ANKRD30A: variants seen among roughly 807,000 people sequenced by gnomAD.
ANKRD30A encodes the protein ankyrin repeat domain-containing protein 30A.
Under a neutral mutation model 166.3 loss-of-function variants are expected in ANKRD30A, and 170 were observed. That is an observed-to-expected ratio of 1.02 (90% CI 0.90 to 1.16). ANKRD30A has a LOEUF of 1.16. Ranked by LOEUF, ANKRD30A falls within the 50% of genes most tolerant of loss-of-function variation. The probability of loss-of-function intolerance (pLI) is 0.00; values close to 1 mark genes in which losing one functional copy is unlikely to be tolerated. For synonymous variants in ANKRD30A, 564 were observed against 508.9 expected, an observed-to-expected ratio of 1.11 and a Z score of -1.46; for missense variants, 1,630 against 1,518.0, an observed-to-expected ratio of 1.07 and a Z score of -1.23.
chr10:37,152,361 G>A (rs1838015942), intron 12 of ANKRD30A, among the ~76,000 whole-genome samples: 1 of 152,050 alleles, frequency 6.6e-6, no homozygotes. Context: ...TAAAAACTAA[G>A]GCTTAGAATT....
chr10:37,250,142 A>G, the ANKRD30A span, among the ~76,000 whole-genome samples: 1 of 152,192 alleles, frequency 6.6e-6, no homozygotes, highest in Non-Finnish European at 1.5e-5. Context: ...GCCTAAGGTC[A>G]GAGTTGATGG....
downstream of ANKRD30A, among the ~76,000 whole-genome samples, chr10:37,233,206 A>C (rs925784289): frequency 1.3e-5 from 2 of 152,156 alleles, no homozygotes; most frequent in Non-Finnish European, 2.9e-5. Context: ...GTTTTAATAC[A>C]TAAATTTGAT....
chr10:37,202,936 A>G (rs1408735599), intron 31 of ANKRD30A, among the ~76,000 whole-genome samples: 1 of 152,228 alleles, frequency 6.6e-6, no homozygotes, highest in Non-Finnish European at 1.5e-5. Context: ...AGACTAAACC[A>G]GGAAGGAGAA....
intron 7 of ANKRD30A, among the ~76,000 whole-genome samples, chr10:37,143,472 G>A (rs1052206656): frequency 2.0e-5 from 3 of 152,076 alleles, no homozygotes; most frequent in Admixed American, 6.6e-5. Context: ...TGGCCAACAT[G>A]GTGAAACCTC....
downstream of ANKRD30A, among the ~76,000 whole-genome samples, chr10:37,235,754 TATTTC>T (rs1414429511): frequency 6.6e-6 from 1 of 151,370 alleles, no homozygotes; most frequent in Non-Finnish European, 1.5e-5. Context: ...GATTTCACTA[TATTTC>T]ATTCTCTTTT....
chr10:37,256,321 A>G, the ANKRD30A span, among the ~76,000 whole-genome samples: 1 of 152,208 alleles, frequency 6.6e-6, no homozygotes, highest in African/African-American at 2.4e-5. Context: ...CAGTGGCACA[A>G]TCATGGATCA....
At chr10:37,190,062 A>C in intron 25 of ANKRD30A, among the ~76,000 whole-genome samples, 1 of 151,892 alleles carries the variant, frequency 6.6e-6, no homozygotes, top group Non-Finnish European at 1.5e-5. Flanking sequence ...GCCATTAGGG[A>C]TGGAAGCACC....
the ANKRD30A span, among the ~76,000 whole-genome samples, chr10:37,247,845 G>A: frequency 2.7e-5 from 4 of 146,218 alleles, no homozygotes; most frequent in East Asian, 4.0e-4. Context: ...TCGTGCCACT[G>A]TACTCCAGCC....
intron 21 of ANKRD30A, among the ~76,000 whole-genome samples, chr10:37,172,267 T>G (rs1839630452): frequency 9.1e-6 from 1 of 110,448 alleles, no homozygotes; most frequent in African/African-American, 3.7e-5. Context: ...CCTTGGAGCT[T>G]GGTCTGAGTA....
intron 16 of ANKRD30A, 48 bp from the exon 17 acceptor site, chr10:37,162,728 G>C: frequency 6.2e-7 from 1 of 1,612,942 alleles, no homozygotes; most frequent in Non-Finnish European, 8.5e-7. Flanking sequence ...TATGTATTTT[G>C]TGAAGTATAC....
At chr10:37,165,958 T>C (rs993860718) in intron 18 of ANKRD30A, among the ~76,000 whole-genome samples, 2 of 152,130 alleles carry the variant, frequency 1.3e-5, no homozygotes, top group African/African-American at 4.8e-5. Flanking sequence ...AAGACGTTAA[T>C]ACTTGTTTTC....
At chr10:37,223,358 G>C (rs1842981508) in intron 34 of ANKRD30A, among the ~76,000 whole-genome samples, 1 of 151,344 alleles carries the variant, frequency 6.6e-6, no homozygotes, top group Non-Finnish European at 1.5e-5. Flanking sequence ...TACAGAGAAT[G>C]AGCGTAGTTA....
chr10:37,197,313 T>A lies in ANKRD30A; in HGVS notation c.2643+4T>A, dbSNP rs544731147. ...CGAGAAGCCATCTGCCTTCGAGGTA[T>A]TTAGTTTTATGATTTCATTTTGAAT... On this transcript the variant is annotated splice_donor_region_variant and intron_variant, in intron 28 of 35. Transcript: ENST00000361713. 2 of 1,613,462 alleles carry A rather than the reference T, an allele frequency of 1.2e-6. No homozygotes were observed. Among genetic ancestry groups the A allele is most frequent in the South Asian group, 2.2e-5 (2 of 91,034 alleles).
intron 31 of ANKRD30A, among the ~76,000 whole-genome samples, chr10:37,205,374 T>C (rs1841924507): frequency 7.0e-6 from 1 of 143,448 alleles, no homozygotes; most frequent in African/African-American, 2.6e-5. Context: ...TCACATGTTC[T>C]CACCCATAGG....
At chr10:37,172,530 T>G (rs1839658290) in intron 21 of ANKRD30A, among the ~76,000 whole-genome samples, 1 of 145,204 alleles carries the variant, frequency 6.9e-6, no homozygotes, top group Non-Finnish European at 1.5e-5. Context: ...AGTTAGAGGT[T>G]TTTTTTTAAT....
In ANKRD30A at chr10:37,211,173, G is replaced by A. The variant is rs200752599; in HGVS notation, c.2870-5008G>A. ...TTTATTATTATACTTTAAGTTTTAG[G>A]GTACATGTGCATAACATGCAGGTTA... On this transcript the variant is annotated intron_variant, in intron 31 of 35. Transcript: ENST00000361713. Among the ~76,000 whole-genome samples the A allele has an allele frequency of 4.0e-5, 6 of 151,260 alleles. No individual in the cohort carries two copies. The East Asian group carries it at 1.2e-3, about 29-fold the overall frequency.
chr10:37,219,842 A>G lies in ANKRD30A; in HGVS notation c.4130A>G (p.Asn1377Ser), dbSNP rs1588950293. ...KEKNEEIFNY[N>S]NHLKNRIYQY... is the part of the protein sequence containing the mutation. ...AAAAATGAGGAGATATTTAATTACA[A>G]TAACCATTTAAAAAACCGTATATAT... The change falls in exon 34 of 36, where the codon AAT (asparagine) becomes AGT (serine). Residue 1377 changes from asparagine (N) to serine (S), a missense_variant. By Grantham distance (46) the Asn-to-Ser change is conservative. Coordinates refer to ENST00000361713, the MANE Select transcript of ANKRD30A (RefSeq NM_052997.3). The G allele has an allele frequency of 6.3e-7, 1 of 1,586,320 alleles. No homozygotes were observed. The highest frequency in any genetic ancestry group is 2.3e-5 in the East Asian group (1 of 43,846).
the ANKRD30A span, among the ~76,000 whole-genome samples, chr10:37,249,695 A>G: frequency 6.6e-6 from 1 of 152,172 alleles, no homozygotes. Flanking sequence ...AATTCAGGGT[A>G]GGTGTGGAAA....
chr10:37,192,916 T>A, intron 25 of ANKRD30A, 148 bp from the exon 26 acceptor site: 1 of 1,480,192 alleles, frequency 6.8e-7, no homozygotes, highest in South Asian at 1.2e-5. Flanking sequence ...TGATAACAAA[T>A]ACAGTAACCC....
Sources: allele counts gnomAD v4.1 joint callset (sites outside exome capture counted in the v4.1 genomes callset), GRCh38; gene constraint gnomAD v4.1.1; transcripts MANE v1.5; gene names NCBI Gene and HGNC (gene_info 2026-07-23, HGNC 2026-07-21).